The following ADGRG4 variants were observed in gnomAD, a reference collection of about 807,000 sequenced individuals.
ADGRG4 encodes the protein adhesion G protein-coupled receptor G4, also known as G protein-coupled receptor 112.
Under a neutral mutation model 126.2 loss-of-function variants are expected in ADGRG4, and 122 were observed. That is an observed-to-expected ratio of 0.97 (90% CI 0.83 to 1.12). The LOEUF (loss-of-function observed/expected upper bound fraction) is 1.12. Ranked by LOEUF, ADGRG4 falls within the 50% of genes most tolerant of loss-of-function variation. ADGRG4 has a pLI of 0.00. For synonymous variants in ADGRG4, 943 were observed against 838.7 expected (o/e 1.12, Z -2.15); for missense variants, 2,481 against 2,251.8 (o/e 1.10, Z -2.06).
intron 5 of ADGRG4, among the ~76,000 whole-genome samples, chrX:136,340,724 A>G (rs1407593501): frequency 9.0e-6 from 1 of 111,571 alleles, no homozygotes; most frequent in South Asian, 3.8e-4. Flanking sequence ...GCATTTCTAC[A>G]TACTGTCTAA....
At chrX:136,364,823 A>G (rs2075149211) in intron 13 of ADGRG4, among the ~76,000 whole-genome samples, 1 of 111,941 alleles carries the variant, frequency 8.9e-6, no homozygotes, top group Admixed American at 9.5e-5. Context: ...CAAAATAAAG[A>G]GTATCTCTTT....
chrX:136,308,698 G>C lies in ADGRG4; in HGVS notation c.-9-71G>C, dbSNP rs1425083707. 4 of 614,163 alleles carry C rather than the reference G, an allele frequency of 6.5e-6. No individual in the cohort carries two copies. The African/African-American group carries it at 8.9e-5, about 14-fold the overall frequency. The allele number at this position is 614,163 out of a possible 1,213,427, so 50.6% of individuals were successfully genotyped here. ...TAGGTGGTATGCAAAGGAGAAGTGT[G>C]GTCACATACGCTTAGAAATTGTATT... is the stretch of plus-strand genomic sequence containing the variant. On this transcript the variant is annotated intron_variant, in intron 3 of 25. Coordinates refer to ENST00000394143, the MANE Select transcript of ADGRG4 (RefSeq NM_153834.4).
chrX:136,366,014 A>G (rs1245134808), intron 13 of ADGRG4, among the ~76,000 whole-genome samples: 1 of 112,116 alleles, frequency 8.9e-6, no homozygotes, highest in Admixed American at 9.4e-5. Flanking sequence ...GTTTGTTACA[A>G]TTGAATGTAC....
intron 15 of ADGRG4, 102 bp from the exon 16 acceptor site, chrX:136,387,638 C>A: frequency 4.0e-6 from 3 of 744,486 alleles, no homozygotes; most frequent in South Asian, 2.6e-5. Flanking sequence ...ACCTTTCAGT[C>A]CTTTGGGTGA....
At position 136,352,486 on chromosome X, in the gene ADGRG4, C is replaced by T. The variant is rs142952943; in HGVS notation, c.6823-851C>T. On this transcript the variant is annotated intron_variant, in intron 7 of 25. Coordinates refer to ENST00000394143, the MANE Select transcript of ADGRG4 (RefSeq NM_153834.4). ...TTTGAGACTAGCCTGGGCAACATGG[C>T]GAGATCTTGTTTTCTTTAAAAAAAA... 3.2e-3 allele frequency among the ~76,000 whole-genome samples: 349 copies of T among 107,502 alleles called. 3 individuals are homozygous for T. The highest frequency in any genetic ancestry group is 5.1e-3 in the Non-Finnish European group (265 of 52,029). 93.4% of individuals were successfully genotyped at this position (107,502 alleles called of 115,157 possible). A position where few individuals can be genotyped will look rare whatever the true frequency, so the allele number is the denominator to read the frequency against.
chrX:136,402,655 T>C (rs1297213895), intron 21 of ADGRG4, among the ~76,000 whole-genome samples: 1 of 111,885 alleles, frequency 8.9e-6, no homozygotes, highest in Non-Finnish European at 1.9e-5. Flanking sequence ...TTTTAAACCC[T>C]GTGTCTACAC....
chrX:136,361,240 A>G (rs1490985522), intron 11 of ADGRG4, among the ~76,000 whole-genome samples: 1 of 109,774 alleles, frequency 9.1e-6, no homozygotes, highest in African/African-American at 3.3e-5. Context: ...TAAAAAAAAA[A>G]CACTCCATAT....
intron 5 of ADGRG4, among the ~76,000 whole-genome samples, chrX:136,339,139 A>C (rs767378108): frequency 8.1e-5 from 9 of 111,065 alleles, no homozygotes; most frequent in African/African-American, 2.9e-4. Context: ...ATCTTGGGCT[A>C]GTTTTCGTAG....
intron 4 of ADGRG4, among the ~76,000 whole-genome samples, chrX:136,319,471 T>C (rs1023532969): frequency 1.8e-5 from 2 of 112,078 alleles, no homozygotes; most frequent in African/African-American, 6.5e-5. Flanking sequence ...GAACGAGGCA[T>C]GGAGAAGTGA....
chrX:136,315,203 T>C (rs2073983614), intron 4 of ADGRG4, among the ~76,000 whole-genome samples: 1 of 110,491 alleles, frequency 9.1e-6, no homozygotes, highest in Admixed American at 9.7e-5. Flanking sequence ...TCTGATTCTC[T>C]GTGGTTGTGC....
chrX:136,396,482 G>T (rs1411957082), intron 19 of ADGRG4, among the ~76,000 whole-genome samples: 1 of 99,838 alleles, frequency 1.0e-5, no homozygotes, highest in African/African-American at 3.7e-5. Context: ...TGCAAGCTCC[G>T]CCTCCCTGGC....
At chrX:136,357,977 C>A (rs1327868737) in intron 10 of ADGRG4, among the ~76,000 whole-genome samples, 1 of 111,751 alleles carries the variant, frequency 8.9e-6, no homozygotes, top group African/African-American at 3.3e-5. Context: ...TGCCTCTTTG[C>A]AGTGAAGAGA....
intron 14 of ADGRG4, among the ~76,000 whole-genome samples, chrX:136,372,145 G>C (rs1337579667): frequency 1.8e-5 from 2 of 111,225 alleles, no homozygotes; most frequent in Admixed American, 9.6e-5. Flanking sequence ...CAACTTTTGT[G>C]TTCCCTCAGT....
chrX:136,353,357 C>A lies in ADGRG4; in HGVS notation c.6843C>A (p.Asn2281Lys). Reference sequence around the variant, plus strand: ...TACAGTTGAATTCTATATTTCAGAACAGTGAATTTTCTCTTGCTACTCTGG... The same window carrying A: ...TACAGTTGAATTCTATATTTCAGAAAAGTGAATTTTCTCTTGCTACTCTGG... ...TENSLNSIFQ[N>K]SEFSLATLET... The change falls in exon 8 of 26, where the codon AAC (asparagine) becomes AAA (lysine). Residue 2281 changes from asparagine to lysine, a missense_variant. Physicochemically the swap from Asn to Lys is moderately conservative, Grantham distance 94 (BLOSUM62 0). Coordinates refer to ENST00000394143, the MANE Select transcript of ADGRG4 (RefSeq NM_153834.4). 1 of 1,192,250 alleles carries A rather than the reference C, an allele frequency of 8.4e-7. No individual in the cohort carries two copies. Among genetic ancestry groups the A allele is most frequent in the African/African-American group, 1.7e-5 (1 of 57,192 alleles).
intron 4 of ADGRG4, among the ~76,000 whole-genome samples, chrX:136,317,631 C>G (rs1446426481): frequency 9.0e-6 from 1 of 110,914 alleles, no homozygotes; most frequent in Middle Eastern, 4.2e-3. Context: ...TCAAAAGACA[C>G]TATCAAGAAA....
chrX:136,361,177 G>A (rs716148), intron 11 of ADGRG4, among the ~76,000 whole-genome samples: 1,288 of 108,379 alleles, frequency 0.012, 10 homozygotes, highest in Middle Eastern at 0.019. Flanking sequence ...TCATCAATTC[G>A]TTGTTTTAAT....
chrX:136,415,842 T>TA (rs1275727422), intron 25 of ADGRG4, among the ~76,000 whole-genome samples: 1 of 112,175 alleles, frequency 8.9e-6, no homozygotes, highest in South Asian at 3.7e-4. Flanking sequence ...CAGTAGCAAA[T>TA]ACCATATCCA....
chrX:136,350,853 T>C (rs1393748892), intron 6 of ADGRG4, among the ~76,000 whole-genome samples: 3 of 111,111 alleles, frequency 2.7e-5, no homozygotes, highest in African/African-American at 9.8e-5. Context: ...ATATATCTTA[T>C]CTTGCCTTTT....
intron 5 of ADGRG4, among the ~76,000 whole-genome samples, chrX:136,331,471 G>A (rs2074909546): frequency 8.9e-6 from 1 of 112,497 alleles, no homozygotes; most frequent in Non-Finnish European, 1.9e-5. Flanking sequence ...TTTACAAACT[G>A]TCAGACTGTT....
Sources: allele counts gnomAD v4.1 joint callset (sites outside exome capture counted in the v4.1 genomes callset), GRCh38; gene constraint gnomAD v4.1.1; transcripts MANE v1.5; gene names NCBI Gene and HGNC (gene_info 2026-07-23, HGNC 2026-07-21).